RNLS: variants seen among roughly 807,000 people sequenced by gnomAD.
The protein encoded by RNLS is renalase, FAD dependent amine oxidase.
RNLS carries 39 observed loss-of-function variants against 39.8 expected under a neutral mutation model. The ratio of observed to expected loss-of-function variants is 0.98; its 90% CI spans 0.76 to 1.28. The LOEUF (loss-of-function observed/expected upper bound fraction) is 1.28. Ranked by LOEUF, RNLS falls within the 50% of genes most tolerant of loss-of-function variation. The pLI, the probability that RNLS is intolerant of heterozygous loss-of-function variation, is 0.00. For missense variants in RNLS, 410 were observed against 413.3 expected, an observed-to-expected ratio of 0.99 and a Z score of 0.07; for synonymous variants, 147 against 150.7, an observed-to-expected ratio of 0.98 and a Z score of 0.18.
the RNLS span, among the ~76,000 whole-genome samples, chr10:88,219,673 G>A: frequency 7.2e-5 from 11 of 152,110 alleles, no homozygotes; most frequent in Admixed American, 3.9e-4. Context: ...ATCTTTAAAA[G>A]CCATATAAAA....
chr10:88,301,681 G>T (rs1377540933), intron 6 of RNLS, among the ~76,000 whole-genome samples: 2 of 152,212 alleles, frequency 1.3e-5, no homozygotes, highest in Non-Finnish European at 2.9e-5. Context: ...AGAGTTCCTT[G>T]TGTCCACAGG....
the RNLS span, among the ~76,000 whole-genome samples, chr10:88,180,087 T>C: frequency 6.6e-6 from 1 of 152,204 alleles, no homozygotes; most frequent in Admixed American, 6.5e-5. Flanking sequence ...CTGTTAAGGA[T>C]AGATCTTTCT....
intron 4 of RNLS, among the ~76,000 whole-genome samples, chr10:88,388,125 C>T (rs750044552): frequency 2.2e-4 from 34 of 152,108 alleles, no homozygotes; most frequent in African/African-American, 7.0e-4. Flanking sequence ...CAGGCTTAGT[C>T]GACAACATAA....
intron 1 of RNLS, 151 bp from the exon 2 acceptor site, chr10:88,582,458 TAGA>T (rs763841257): frequency 5.4e-5 from 33 of 610,048 alleles, no homozygotes; most frequent in Non-Finnish European, 8.3e-5. Flanking sequence ...TGTGAGATTT[TAGA>T]AGGAGTCATG....
intron 4 of RNLS, among the ~76,000 whole-genome samples, chr10:88,512,419 G>A (rs116585856): frequency 2.6e-5 from 4 of 152,194 alleles, no homozygotes; most frequent in African/African-American, 9.6e-5. Flanking sequence ...GCACTTTGCA[G>A]TTCATAAAAT....
intron 4 of RNLS, among the ~76,000 whole-genome samples, chr10:88,486,851 C>T (rs1844556659): frequency 6.6e-6 from 1 of 152,106 alleles, no homozygotes; most frequent in African/African-American, 2.4e-5. Context: ...CCCAGCAATC[C>T]CATTACTGGG....
chr10:88,571,414 A>G (rs766205502), intron 4 of RNLS, among the ~76,000 whole-genome samples: 9 of 152,222 alleles, frequency 5.9e-5, no homozygotes, highest in Non-Finnish European at 1.2e-4. Context: ...CTCCAAATTC[A>G]TCACACTGTA....
intron 3 of RNLS, among the ~76,000 whole-genome samples, chr10:88,576,624 C>T (rs1447208453): frequency 6.6e-6 from 1 of 152,134 alleles, no homozygotes; most frequent in Non-Finnish European, 1.5e-5. Context: ...CTAAAAAGGA[C>T]ATCGTTACGG....
chr10:88,372,653 G>A (rs1014774749), intron 4 of RNLS, among the ~76,000 whole-genome samples: 7 of 152,082 alleles, frequency 4.6e-5, no homozygotes, highest in African/African-American at 1.7e-4. Flanking sequence ...CAACATTATT[G>A]TAGGCCTACT....
At chr10:88,211,054 C>A in the RNLS span, among the ~76,000 whole-genome samples, 1 of 152,134 alleles carries the variant, frequency 6.6e-6, no homozygotes, top group African/African-American at 2.4e-5. Context: ...ATAACCCTTT[C>A]TTTTTGTGAA....
the RNLS span, among the ~76,000 whole-genome samples, chr10:88,265,343 T>C: frequency 7.0e-6 from 1 of 143,236 alleles, no homozygotes; most frequent in Admixed American, 6.9e-5. Flanking sequence ...TTTTTTTTTT[T>C]TTTTGGTTCC....
rs1279593232 is a variant in RNLS, at chr10:88,557,435, C to T, written c.526+15468G>A. 4.6e-5 allele frequency among the ~76,000 whole-genome samples: 7 copies of T among 152,202 alleles called. No homozygotes were observed. The South Asian group carries it at 1.5e-3, about 32-fold the overall frequency. On this transcript the variant is annotated intron_variant, in intron 4 of 6. Transcript: ENST00000331772. ...CAAGTCAGAATGAAAAAATGTCAGA[C>T]TTTGGAAACAGGACTTCAGAAGAAT...
At chr10:88,471,976 A>G (rs1349289744) in intron 4 of RNLS, among the ~76,000 whole-genome samples, 1 of 152,110 alleles carries the variant, frequency 6.6e-6, no homozygotes, top group African/African-American at 2.4e-5. Flanking sequence ...ACCATAAATC[A>G]CATCGTCAGG....
chr10:88,291,412 C>T (rs183003273), intron 6 of RNLS, among the ~76,000 whole-genome samples: 15 of 152,312 alleles, frequency 9.8e-5, no homozygotes, highest in Middle Eastern at 6.8e-3. Context: ...AGAACCAAGT[C>T]TGGTTGTCTT....
intron 4 of RNLS, among the ~76,000 whole-genome samples, chr10:88,512,885 G>A (rs1272509861): frequency 6.6e-6 from 1 of 152,064 alleles, no homozygotes; most frequent in Non-Finnish European, 1.5e-5. Context: ...TTAGTTGTAT[G>A]GTGCTGGATA....
intron 4 of RNLS, among the ~76,000 whole-genome samples, chr10:88,431,491 T>C (rs1002680336): frequency 6.6e-6 from 1 of 151,704 alleles, no homozygotes; most frequent in Non-Finnish European, 1.5e-5. Context: ...CTTTAAGCTA[T>C]ATCATTTCAT....
intron 6 of RNLS, among the ~76,000 whole-genome samples, chr10:88,292,673 G>T (rs1843754197): frequency 6.6e-6 from 1 of 151,456 alleles, no homozygotes; most frequent in Non-Finnish European, 1.5e-5. Flanking sequence ...ATAAGCTTTT[G>T]GTATGCATGA....
the RNLS span, among the ~76,000 whole-genome samples, chr10:88,246,331 AT>A: frequency 6.6e-6 from 1 of 152,132 alleles, no homozygotes; most frequent in African/African-American, 2.4e-5. Context: ...TTTTAATGGC[AT>A]GTCATGAACC....
intron 6 of RNLS, among the ~76,000 whole-genome samples, chr10:88,286,292 C>A (rs1474848486): frequency 6.6e-6 from 1 of 152,104 alleles, no homozygotes; most frequent in East Asian, 1.9e-4. Context: ...AAGGAAATTT[C>A]AGTCCTGAGA....
Sources: allele counts gnomAD v4.1 joint callset (sites outside exome capture counted in the v4.1 genomes callset), GRCh38; gene constraint gnomAD v4.1.1; transcripts MANE v1.5; gene names NCBI Gene and HGNC (gene_info 2026-07-23, HGNC 2026-07-21).